The following LRP6 variants were observed in gnomAD, a reference collection of about 807,000 sequenced individuals.
The protein encoded by LRP6 is LDL receptor related protein 6.
In LRP6, 43 loss-of-function variants were observed where a neutral mutation model predicts 184.1. The observed-to-expected ratio is 0.23, with a 90% confidence interval of 0.18 to 0.30. LRP6 has a LOEUF of 0.30. Among genes scored for constraint, LRP6 ranks in the 10% least tolerant of loss-of-function variants. LRP6 has a pLI of 1.00. For missense variants in LRP6, 1,571 were observed against 2,005.3 expected (o/e 0.78, Z 4.14); for synonymous variants, 719 against 684.9 (o/e 1.05, Z -0.78).
At chr12:12,181,504 T>C in intron 5 of LRP6, 65 bp from the exon 6 acceptor site, 1 of 835,552 alleles carries the variant, frequency 1.2e-6, no homozygotes, top group Non-Finnish European at 2.1e-6. Context: ...CTGCTCTAGA[T>C]AAAGAATCAA....
chr12:12,159,991 C>T, intron 10 of LRP6, 27 bp from the exon 11 acceptor site: 1 of 1,519,904 alleles, frequency 6.6e-7, no homozygotes, highest in Non-Finnish European at 9.0e-7. Flanking sequence ...AAATATTTAA[C>T]ATTTCAATTT....
At chr12:12,217,661 C>T (rs12319942) in intron 2 of LRP6, among the ~76,000 whole-genome samples, 20,907 of 151,926 alleles carry the variant, frequency 0.14, 1,954 homozygotes, top group African/African-American at 0.27. Context: ...GTAATCAAGA[C>T]AGTGTGATAC....
rs1219029725 is a variant in LRP6, at chr12:12,266,799, G to A, written c.-64C>T. The stretch of plus-strand genomic sequence containing the variant: ...TGGCCAGAAGTGGGGGAGGCGAGGA[G>A]CCGGGGCGGCCGCCGCAGCGGCAGG... On this transcript the variant is annotated 5_prime_UTR_variant, in exon 1 of 23. Coordinates refer to ENST00000261349, the MANE Select transcript of LRP6 (RefSeq NM_002336.3). 1.5e-6 allele frequency: 2 copies of A among 1,353,814 alleles called. No individual in the cohort carries two copies. The highest frequency in any genetic ancestry group is 2.9e-5 in the African/African-American group (2 of 69,264). The allele number at this position is 1,353,814 out of a possible 1,614,324, so 83.9% of individuals were successfully genotyped here. A position where few individuals can be genotyped will look rare whatever the true frequency, so the allele number is the denominator to read the frequency against.
In LRP6 at chr12:12,187,011, C is replaced by T. The variant is rs1424867173; in HGVS notation, c.756G>A (p.Lys252=). ...WSTHSILACN[K]YTGEGLREIH... is the part of the protein sequence containing the mutation. ...TTTCACGCAGACCCTCACCAGTATACTTGTTGCAAGCCAAAATGGAGTGTG... is the reference window on the plus strand; with the variant it reads ...TTTCACGCAGACCCTCACCAGTATATTTGTTGCAAGCCAAAATGGAGTGTG... The change falls in exon 4 of 23, where the codon AAG becomes AAA. Residue 252 remains lysine, a synonymous_variant. Coordinates refer to ENST00000261349, the MANE Select transcript of LRP6 (RefSeq NM_002336.3). The T allele has an allele frequency of 6.2e-7, 1 of 1,614,152 alleles. No homozygotes were observed. Among genetic ancestry groups the T allele is most frequent in the Non-Finnish European group, 8.5e-7 (1 of 1,180,014 alleles).
At chr12:12,159,318 G>A (rs1255415921) in intron 11 of LRP6, among the ~76,000 whole-genome samples, 163 bp from the exon 12 acceptor site, 1 of 151,630 alleles carries the variant, frequency 6.6e-6, no homozygotes, top group African/African-American at 2.4e-5. Context: ...ATTCTAAAAC[G>A]AGACCAATTC....
chr12:12,171,297 A>G (rs1484460650), intron 7 of LRP6, among the ~76,000 whole-genome samples: 1 of 152,166 alleles, frequency 6.6e-6, no homozygotes, highest in African/African-American at 2.4e-5. Context: ...AGGGCGGATC[A>G]CCAGGTCAGG....
chr12:12,240,606 T>C (rs928489917), intron 2 of LRP6, among the ~76,000 whole-genome samples: 2 of 151,946 alleles, frequency 1.3e-5, no homozygotes, highest in African/African-American at 2.4e-5. Flanking sequence ...TAAAAATACA[T>C]ACTTTTAAAA....
chr12:12,190,111 G>A (rs1024754084), intron 3 of LRP6, among the ~76,000 whole-genome samples: 1 of 152,162 alleles, frequency 6.6e-6, no homozygotes, highest in Non-Finnish European at 1.5e-5. Context: ...ACAAAAGGCA[G>A]AACTAAGAAC....
chr12:12,210,869 G>C (rs1056789466), intron 2 of LRP6: 1 of 152,152 alleles, frequency 6.6e-6, no homozygotes, highest in Non-Finnish European at 1.5e-5. Context: ...CTTGATTCCT[G>C]ACCCCATGTT....
rs1005455697 is a variant in LRP6, at chr12:12,150,713, A to C, written c.2994+123T>G. The C allele has an allele frequency of 3.0e-6, 3 of 1,010,876 alleles. No individual in the cohort carries two copies. The African/African-American group carries it at 4.7e-5, about 16-fold the overall frequency. The allele number at this position is 1,010,876 out of a possible 1,614,324, so 62.6% of individuals were successfully genotyped here. Reference sequence around the variant, plus strand: ...GAAAAAATAAGCTACTAGGTCCAGAATTTCAGTTTCATACACACATACACA... The same window carrying C: ...GAAAAAATAAGCTACTAGGTCCAGACTTTCAGTTTCATACACACATACACA... On this transcript the variant is annotated intron_variant, in intron 13 of 22. Coordinates refer to ENST00000261349, the MANE Select transcript of LRP6 (RefSeq NM_002336.3).
In LRP6 at chr12:12,200,593, T is replaced by A. The variant is rs534311910; in HGVS notation, c.647+2610A>T. ...AGCCCCTCTCATCTTCCCCTCTGCA[T>A]ACTGCTCCTGATGGGCTTTTTGAAG... On this transcript the variant is annotated intron_variant, in intron 3 of 22. Coordinates refer to ENST00000261349, the MANE Select transcript of LRP6 (RefSeq NM_002336.3). 1.5e-3 allele frequency among the ~76,000 whole-genome samples: 222 copies of A among 152,334 alleles called. 1 individual carries two copies. Among genetic ancestry groups the A allele is most frequent in the African/African-American group, 4.9e-3 (203 of 41,590 alleles).
At chr12:12,125,630 G>T (rs1280666715) in intron 20 of LRP6, among the ~76,000 whole-genome samples, 198 bp from the exon 21 acceptor site, 3 of 152,098 alleles carry the variant, frequency 2.0e-5, no homozygotes, top group African/African-American at 7.2e-5. Context: ...TGCTTCCATT[G>T]AAAGAGCTGG....
At chr12:12,214,960 C>T (rs954544687) in intron 2 of LRP6, among the ~76,000 whole-genome samples, 17 of 152,204 alleles carry the variant, frequency 1.1e-4, no homozygotes, top group African/African-American at 3.9e-4. Context: ...GCTTCCTTGG[C>T]CCGCCTTAGT....
chr12:12,139,154 C>T (rs1205263899), intron 15 of LRP6, among the ~76,000 whole-genome samples: 4 of 152,192 alleles, frequency 2.6e-5, no homozygotes, highest in Non-Finnish European at 5.9e-5. Flanking sequence ...AAAATATACT[C>T]ATTCCTTCTT....
At chr12:12,124,756 C>G (rs1949650655) in intron 21 of LRP6, 94 bp from the exon 22 acceptor site, 1 of 754,974 alleles carries the variant, frequency 1.3e-6, no homozygotes, top group East Asian at 2.7e-5. Flanking sequence ...ATTAGTGTTT[C>G]TTTACAATAC....
chr12:12,147,234 C>T, intron 15 of LRP6, 132 bp downstream of exon 15: 2 of 973,236 alleles, frequency 2.1e-6, no homozygotes, highest in Non-Finnish European at 3.1e-6. Context: ...CACCAACCAA[C>T]CTGATGCTGA....
intron 3 of LRP6, among the ~76,000 whole-genome samples, chr12:12,202,481 T>G (rs537744246): frequency 6.6e-6 from 1 of 152,218 alleles, no homozygotes; most frequent in African/African-American, 2.4e-5. Context: ...AGACAGAGGT[T>G]GCAGTGAGCT....
rs368801975 is a variant in LRP6 at position 12,150,903 on chromosome 12, T to C, written c.2927A>G (p.Asp976Gly). 3.1e-5 allele frequency: 50 copies of C among 1,614,038 alleles called. No homozygotes were observed. Among genetic ancestry groups the C allele is most frequent in the Non-Finnish European group, 3.6e-5 (42 of 1,180,014 alleles). Residue 976 changes from aspartate (D) to glycine (G), a missense_variant, in exon 13 of 23, where the codon GAC (aspartate) becomes GGC (glycine). Asp to Gly is a moderately conservative substitution (Grantham distance 94). Coordinates refer to ENST00000261349, the MANE Select transcript of LRP6 (RefSeq NM_002336.3). ...NVRAIDYDPL[D>G]KQLYWIDSRQ... ...TGAGTCAATCCAATAGAGTTGCTTG[T>C]CCAGTGGGTCATAGTCAATGGCCCG... is the stretch of plus-strand genomic sequence containing the variant.
intron 1 of LRP6, among the ~76,000 whole-genome samples, chr12:12,250,852 C>A (rs1352983866): frequency 6.6e-6 from 1 of 152,000 alleles, no homozygotes; most frequent in African/African-American, 2.4e-5. Flanking sequence ...GAACTCCTAA[C>A]TTCAAATGAT....
Sources: gnomAD v4.1 joint callset for allele counts (sites outside exome capture counted in the v4.1 genomes callset) on GRCh38, gnomAD v4.1.1 for gene constraint, MANE v1.5 for transcripts, NCBI Gene and HGNC (gene_info 2026-07-23, HGNC 2026-07-21) for gene names.